Variants in ACTG2 observed in about 807,000 individuals in gnomAD.
The protein encoded by ACTG2 is actin, gamma-enteric smooth muscle.
ACTG2 carries 16 observed loss-of-function variants against 37.6 expected under a neutral mutation model. The observed-to-expected ratio is 0.43, with a 90% CI of 0.29 to 0.65. The LOEUF is 0.65. ACTG2 is among the 30% of genes least tolerant of loss of function. The pLI is 0.18. For missense variants in ACTG2, 238 were observed against 490.9 expected, an observed-to-expected ratio of 0.48 and a Z score of 4.87; for synonymous variants, 181 against 179.9, an observed-to-expected ratio of 1.01 and a Z score of -0.05.
In ACTG2 at chr2:73,901,384, G is replaced by A. The variant is rs1262281658; in HGVS notation, c.73G>A (p.Asp25Asn). 5.6e-6 allele frequency: 9 copies of A among 1,614,218 alleles called. No homozygotes were observed. Among genetic ancestry groups the A allele is most frequent in the Non-Finnish European group, 7.6e-6 (9 of 1,180,026 alleles). ...SGLCKAGFAG[D>N]DAPRAVFPSI... ...CCTGTGCAAGGCAGGCTTCGCAGGA[G>A]ATGATGCCCCCCGGGCTGTCTTCCC... Residue 25 changes from aspartate (D) to asparagine (N), a missense_variant, in exon 2 of 9, where the codon GAT becomes AAT. Physicochemically the swap from Asp to Asn is conservative, Grantham distance 23. Coordinates refer to ENST00000345517, the MANE Select transcript of ACTG2 (RefSeq NM_001615.4).
chr2:73,915,794 G>T (rs1357841838), intron 7 of ACTG2, among the ~76,000 whole-genome samples: 1 of 152,160 alleles, frequency 6.6e-6, no homozygotes, highest in Non-Finnish European at 1.5e-5. Context: ...AGACCATATG[G>T]TGTATGATTC....
chr2:73,903,308 C>T (rs1679931125), intron 3 of ACTG2: 1 of 153,572 alleles, frequency 6.5e-6, no homozygotes, highest in Admixed American at 6.5e-5. Flanking sequence ...GGAATGTTGA[C>T]TTGAAGTCTG....
intron 5 of ACTG2, among the ~76,000 whole-genome samples, chr2:73,911,287 G>C (rs1680130451): frequency 6.6e-6 from 1 of 152,058 alleles, no homozygotes; most frequent in Non-Finnish European, 1.5e-5. Flanking sequence ...TTGAGCTCAG[G>C]AGTTCAAGAC....
At chr2:73,902,838 T>A (rs1385398036) in intron 3 of ACTG2, 4 of 1,430,660 alleles carry the variant, frequency 2.8e-6, no homozygotes, top group Non-Finnish European at 3.8e-6. Context: ...GGTTCCTAAC[T>A]CCCCGTCTTG....
At chr2:73,915,413 A>T in intron 7 of ACTG2, among the ~76,000 whole-genome samples, 1 of 151,120 alleles carries the variant, frequency 6.6e-6, no homozygotes, top group Non-Finnish European at 1.5e-5. Context: ...CCAGATACTC[A>T]GGAGGCTGAG....
chr2:73,904,766 TGTGTGTGTGTG>T (rs1679976806), intron 3 of ACTG2, among the ~76,000 whole-genome samples: 1 of 57,112 alleles, frequency 1.8e-5, no homozygotes, highest in African/African-American at 8.1e-5. Flanking sequence ...TGTGTGTGTG[TGTGTGTGTGTG>T]TATATATATA....
At chr2:73,910,766 G>C (rs2462121) in intron 5 of ACTG2, among the ~76,000 whole-genome samples, 91,761 of 151,402 alleles carry the variant, frequency 0.61, 28,702 homozygotes, top group Admixed American at 0.72. Context: ...TCCATCTCAT[G>C]TTGGCCAGGC....
intron 5 of ACTG2, among the ~76,000 whole-genome samples, chr2:73,912,962 G>A (rs915600608): frequency 6.6e-6 from 1 of 152,186 alleles, no homozygotes; most frequent in Non-Finnish European, 1.5e-5. Context: ...GAGGTCAGGA[G>A]TTCAAGACCA....
chr2:73,896,458 T>G (rs916852729), intron 1 of ACTG2, among the ~76,000 whole-genome samples: 2 of 152,182 alleles, frequency 1.3e-5, no homozygotes, highest in Non-Finnish European at 2.9e-5. Context: ...ATTTCCGTTC[T>G]GTCATCTTGT....
chr2:73,919,612 ACTC>A lies in ACTG2; in HGVS notation c.*38_*40del. 1.9e-6 allele frequency: 3 copies of A among 1,602,090 alleles called. No homozygotes were observed. Among genetic ancestry groups the A allele is most frequent in the Non-Finnish European group, 2.6e-6 (3 of 1,173,912 alleles). ...GTTCTCCAAGGATCCCCTCGAGACT[ACTC>A]TGTTACCAGTCATGAAACATTAAAA... On this transcript the variant is annotated 3_prime_UTR_variant, in exon 9 of 9. Coordinates refer to ENST00000345517, the MANE Select transcript of ACTG2 (RefSeq NM_001615.4).
intron 1 of ACTG2, among the ~76,000 whole-genome samples, chr2:73,899,106 G>T (rs370830370): frequency 1.3e-5 from 2 of 151,978 alleles, no homozygotes; most frequent in East Asian, 3.9e-4. Context: ...CACCGCGCCC[G>T]GCCACAAGAA....
chr2:73,919,422 T>G lies in ACTG2; in HGVS notation c.988-10T>G. The G allele has an allele frequency of 1.2e-6, 2 of 1,612,706 alleles. No individual in the cohort carries two copies. Among genetic ancestry groups the G allele is most frequent in the East Asian group, 4.5e-5 (2 of 44,892 alleles). On this transcript the variant is annotated splice_polypyrimidine_tract_variant and intron_variant, in intron 8 of 8. Coordinates refer to ENST00000345517, the MANE Select transcript of ACTG2 (RefSeq NM_001615.4). ...GACTGATCATGATTCACCACATTTG[T>G]TCTTTGCAGATTATTGCTCCCCCAG...
At position 73,919,767 on chromosome 2, in the gene ACTG2, A is replaced by G. The variant is rs1444716887; in HGVS notation, c.*192A>G. On this transcript the variant is annotated 3_prime_UTR_variant, in exon 9 of 9. Transcript: ENST00000345517. Reference sequence around the variant, plus strand: ...GTGCTGTAAGGTAGGTGCTATCATTATACCCATATTACAGATGAGGAAATT... The same window carrying G: ...GTGCTGTAAGGTAGGTGCTATCATTGTACCCATATTACAGATGAGGAAATT... The G allele has an allele frequency of 5.8e-6, 3 of 514,846 alleles. No homozygotes were observed. The African/African-American group carries it at 5.8e-5, about 10-fold the overall frequency. 31.9% of individuals were successfully genotyped at this position (514,846 alleles called of 1,614,324 possible).
chr2:73,893,748 T>A (rs1157162119), intron 1 of ACTG2, among the ~76,000 whole-genome samples: 4 of 152,096 alleles, frequency 2.6e-5, no homozygotes, highest in Non-Finnish European at 5.9e-5. Flanking sequence ...CAGCCACTCA[T>A]CCAAAAGACT....
rs1213866091 is a variant in ACTG2 at position 73,919,542 on chromosome 2, A to C, written c.1098A>C (p.Ala366=). ...TCAGCAAGCCTGAGTATGATGAGGC[A>C]GGGCCCTCCATTGTCCACAGGAAGT... ...MWISKPEYDE[A]GPSIVHRKCF Residue 366 remains alanine, a synonymous_variant, in exon 9 of 9, where the codon GCA becomes GCC. Transcript: ENST00000345517. 6.2e-7 allele frequency: 1 copy of C among 1,614,082 alleles called. No individual in the cohort carries two copies. Among genetic ancestry groups the C allele is most frequent in the Non-Finnish European group, 8.5e-7 (1 of 1,180,042 alleles).
chr2:73,915,664 A>G (rs1184610943), intron 7 of ACTG2, among the ~76,000 whole-genome samples: 2 of 152,250 alleles, frequency 1.3e-5, no homozygotes, highest in Non-Finnish European at 2.9e-5. Flanking sequence ...GGTGACTGTC[A>G]GATGACATGA....
chr2:73,910,789 C>G (rs973974202), intron 5 of ACTG2, among the ~76,000 whole-genome samples: 3 of 152,110 alleles, frequency 2.0e-5, no homozygotes, highest in African/African-American at 7.2e-5. Flanking sequence ...GTCTCGAACT[C>G]CTGATCTCAA....
Position 73,914,529 on chromosome 2 carries a change from A to G in ACTG2, c.614-151A>G, listed in dbSNP as rs141908253. On this transcript the variant is annotated intron_variant, in intron 6 of 8. Coordinates refer to ENST00000345517, the MANE Select transcript of ACTG2 (RefSeq NM_001615.4). ...AGCCAAGATAGCACCACTGCACTTC[A>G]GTCTGGGTGACAGAGTGAGACTCTG... 3 of 559,340 alleles carry G rather than the reference A, an allele frequency of 5.4e-6. No homozygotes were observed. In the African/African-American group the frequency reaches 5.9e-5, roughly 11 times the overall value. 34.6% of individuals were successfully genotyped at this position (559,340 alleles called of 1,614,324 possible).
chr2:73,904,537 C>T (rs963515470), intron 3 of ACTG2, among the ~76,000 whole-genome samples: 8 of 150,546 alleles, frequency 5.3e-5, no homozygotes, highest in Non-Finnish European at 8.9e-5. Context: ...TAGCACCTGT[C>T]GTCCCAGCTA....
Sources: gnomAD v4.1 joint callset for allele counts (sites outside exome capture counted in the v4.1 genomes callset) on GRCh38, gnomAD v4.1.1 for gene constraint, MANE v1.5 for transcripts, NCBI Gene and HGNC (gene_info 2026-07-23, HGNC 2026-07-21) for gene names.